The following GPC5 variants were observed in gnomAD, a reference collection of about 807,000 sequenced individuals.
GPC5 encodes the protein glypican 5, also known as glypican-5.
GPC5 carries 47 observed loss-of-function variants against 53.9 expected under a neutral mutation model. The ratio of observed to expected loss-of-function variants is 0.87; its 90% CI spans 0.69 to 1.11. GPC5 has a LOEUF of 1.11. Among genes scored for constraint, GPC5 ranks in the 50% most tolerant of loss-of-function variants. The pLI is 0.00. For synonymous variants in GPC5, 286 were observed against 263.3 expected (o/e 1.09, Z -0.84); for missense variants, 748 against 713.1 (o/e 1.05, Z -0.56).
intron 7 of GPC5, among the ~76,000 whole-genome samples, chr13:92,661,565 T>C (rs1286693882): frequency 6.6e-6 from 1 of 152,208 alleles, no homozygotes; most frequent in Non-Finnish European, 1.5e-5. Context: ...TCTAAAATCA[T>C]AGACTATAAT....
At chr13:91,566,842 G>T (rs1204294336) in intron 2 of GPC5, among the ~76,000 whole-genome samples, 1 of 151,662 alleles carries the variant, frequency 6.6e-6, no homozygotes, top group Non-Finnish European at 1.5e-5. Flanking sequence ...TTTGAAAACT[G>T]ATTAGTCAAC....
In GPC5 at chr13:92,296,248, G is replaced by A. The variant is rs936631465; in HGVS notation, c.1561+151259G>A. 2.0e-4 allele frequency among the ~76,000 whole-genome samples: 31 copies of A among 152,086 alleles called. 1 individual carries two copies. Among genetic ancestry groups the A allele is most frequent in the Middle Eastern group, 6.3e-3 (2 of 316 alleles). On this transcript the variant is annotated intron_variant, in intron 7 of 7. Transcript: ENST00000377067. Reference sequence around the variant, plus strand: ...CTATTTTTGTGCTGGTTAGCCTCCCGCCAGGAGGTGGCATTTTCCAGAGAG... The same window carrying A: ...CTATTTTTGTGCTGGTTAGCCTCCCACCAGGAGGTGGCATTTTCCAGAGAG...
rs1019179506 is a variant in GPC5 at position 91,420,299 on chromosome 13, C to T, written c.163+21090C>T. Among the ~76,000 whole-genome samples the T allele has an allele frequency of 4.6e-5, 7 of 152,022 alleles. No homozygotes were observed. In the South Asian group the frequency reaches 6.2e-4, roughly 14 times the overall value. On this transcript the variant is annotated intron_variant, in intron 1 of 7. Coordinates refer to ENST00000377067, the MANE Select transcript of GPC5 (RefSeq NM_004466.6). The stretch of plus-strand genomic sequence containing the variant: ...TTTGCCATGTAAATTATAAAATAAC[C>T]GTTCTCCATAGTGAATGATGGATGT...
intron 7 of GPC5, among the ~76,000 whole-genome samples, chr13:92,725,947 A>T (rs1351867079): frequency 6.6e-6 from 1 of 151,640 alleles, no homozygotes; most frequent in Non-Finnish European, 1.5e-5. Flanking sequence ...CTAGGTCACA[A>T]GTGTTTCCTG....
chr13:92,536,222 T>C (rs953725362), intron 7 of GPC5, among the ~76,000 whole-genome samples: 9 of 152,294 alleles, frequency 5.9e-5, no homozygotes, highest in Admixed American at 5.2e-4. Flanking sequence ...CATTTGACTA[T>C]AGTTCCCAAC....
intron 7 of GPC5, among the ~76,000 whole-genome samples, chr13:92,790,423 A>G (rs1274293766): frequency 1.3e-5 from 2 of 152,166 alleles, no homozygotes; most frequent in African/African-American, 4.8e-5. Flanking sequence ...CATTTAGTAG[A>G]TCTTGAGTGA....
At chr13:91,855,557 G>A (rs1452786806) in intron 5 of GPC5, among the ~76,000 whole-genome samples, 1 of 151,532 alleles carries the variant, frequency 6.6e-6, no homozygotes, top group Non-Finnish European at 1.5e-5. Flanking sequence ...CAAAATTGGC[G>A]ATATTCTCTA....
chr13:92,474,614 A>G (rs1484248558), intron 7 of GPC5, among the ~76,000 whole-genome samples: 8 of 151,784 alleles, frequency 5.3e-5, no homozygotes, highest in South Asian at 2.1e-4. Context: ...ACAAAGAATT[A>G]AAATTCCTAG....
chr13:91,727,154 C>A (rs955945317), intron 3 of GPC5, among the ~76,000 whole-genome samples: 6 of 152,150 alleles, frequency 3.9e-5, no homozygotes, highest in Admixed American at 3.9e-4. Flanking sequence ...TGAGGCCATG[C>A]CTTATTCAGA....
chr13:92,839,687 G>T (rs934544203), intron 7 of GPC5, among the ~76,000 whole-genome samples: 4 of 151,772 alleles, frequency 2.6e-5, no homozygotes, highest in Non-Finnish European at 5.9e-5. Flanking sequence ...CACATTTGAA[G>T]ATCAATGAAT....
At chr13:91,738,319 A>G (rs2036856830) in intron 4 of GPC5, among the ~76,000 whole-genome samples, 1 of 151,394 alleles carries the variant, frequency 6.6e-6, no homozygotes, top group Non-Finnish European at 1.5e-5. Flanking sequence ...TTGGGGTGGC[A>G]TATTCTGGTC....
chr13:91,646,492 T>C (rs554345368), intron 2 of GPC5, among the ~76,000 whole-genome samples: 1 of 151,948 alleles, frequency 6.6e-6, no homozygotes, highest in East Asian at 1.9e-4. Flanking sequence ...TATCCAAAAT[T>C]GTTATGATTT....
chr13:92,296,807 A>G (rs1316450760), intron 7 of GPC5, among the ~76,000 whole-genome samples: 4 of 152,210 alleles, frequency 2.6e-5, no homozygotes, highest in Non-Finnish European at 4.4e-5. Context: ...CTTAGCACCC[A>G]GGCCAGTGGC....
chr13:92,834,345 G>A (rs1166808449), intron 7 of GPC5, among the ~76,000 whole-genome samples: 5 of 151,956 alleles, frequency 3.3e-5, no homozygotes, highest in African/African-American at 7.3e-5. Context: ...TTTTAAAAGC[G>A]GAACTGAAGT....
At chr13:91,888,666 A>G (rs1273366816) in intron 5 of GPC5, among the ~76,000 whole-genome samples, 1 of 152,136 alleles carries the variant, frequency 6.6e-6, no homozygotes, top group African/African-American at 2.4e-5. Context: ...CAGATTATTC[A>G]TGTTACTGCT....
At chr13:92,146,760 GT>G (rs775908323) in intron 7 of GPC5, among the ~76,000 whole-genome samples, 13 of 152,070 alleles carry the variant, frequency 8.5e-5, no homozygotes, top group Non-Finnish European at 1.8e-4. Context: ...AAAATACAAT[GT>G]TTGGTTTCCT....
At chr13:91,708,975 C>T (rs1261476230) in intron 3 of GPC5, among the ~76,000 whole-genome samples, 2 of 152,108 alleles carry the variant, frequency 1.3e-5, no homozygotes, top group South Asian at 2.1e-4. Context: ...TTTGTTTTCC[C>T]CACGGATGCT....
At chr13:91,632,311 G>A (rs147881476) in intron 2 of GPC5, among the ~76,000 whole-genome samples, 38 of 152,176 alleles carry the variant, frequency 2.5e-4, no homozygotes, top group African/African-American at 8.9e-4. Flanking sequence ...TAGGGAATAT[G>A]CCCAAGAGAT....
At chr13:92,530,573 C>A (rs1881526966) in intron 7 of GPC5, among the ~76,000 whole-genome samples, 1 of 152,044 alleles carries the variant, frequency 6.6e-6, no homozygotes, top group Non-Finnish European at 1.5e-5. Context: ...CAGACAAGTA[C>A]ACAGAAGCCT....
Sources: allele counts gnomAD v4.1 joint callset (sites outside exome capture counted in the v4.1 genomes callset), GRCh38; gene constraint gnomAD v4.1.1; transcripts MANE v1.5; gene names NCBI Gene and HGNC (gene_info 2026-07-23, HGNC 2026-07-21).